LRBA: variants seen among roughly 807,000 people sequenced by gnomAD.
LRBA encodes the protein lipopolysaccharide-responsive and beige-like anchor protein.
Under a neutral mutation model 330.0 loss-of-function variants are expected in LRBA, and 176 were observed. That is an observed-to-expected ratio of 0.53 (90% CI 0.47 to 0.60). The LOEUF is 0.60. Among genes scored for constraint, LRBA ranks in the 20% least tolerant of loss-of-function variants. LRBA has a pLI of 0.00. For synonymous variants in LRBA, 1,230 were observed against 1,193.0 expected (o/e 1.03, Z -0.64); for missense variants, 3,259 against 3,444.8 (o/e 0.95, Z 1.35).
chr4:150,286,681 A>T (rs1380097708), intron 53 of LRBA, among the ~76,000 whole-genome samples: 3 of 152,200 alleles, frequency 2.0e-5, no homozygotes, highest in African/African-American at 7.2e-5. Flanking sequence ...ATTGAAAATG[A>T]GGGGCGGTGG....
At chr4:150,651,883 A>G (rs1779738333) in intron 37 of LRBA, among the ~76,000 whole-genome samples, 1 of 152,118 alleles carries the variant, frequency 6.6e-6, no homozygotes, top group African/African-American at 2.4e-5. Context: ...ATTGATTTAG[A>G]GACAGGGTTT....
At chr4:150,468,294 T>C (rs1416754291) in intron 43 of LRBA, among the ~76,000 whole-genome samples, 1 of 152,052 alleles carries the variant, frequency 6.6e-6, no homozygotes, top group African/African-American at 2.4e-5. Context: ...ATGAGGGCAT[T>C]GCACTAAATA....
chr4:150,288,026 C>CG, intron 53 of LRBA, among the ~76,000 whole-genome samples: 1 of 149,966 alleles, frequency 6.7e-6, no homozygotes, highest in Non-Finnish European at 1.5e-5. Context: ...GAGTCTCACT[C>CG]TGTCGCCCAG....
At chr4:150,510,515 T>C (rs1260670332) in intron 40 of LRBA, among the ~76,000 whole-genome samples, 2 of 152,232 alleles carry the variant, frequency 1.3e-5, no homozygotes, top group African/African-American at 4.8e-5. Context: ...TGTCTTCTCA[T>C]ACTACCTTCC....
At chr4:150,273,509 C>T (rs930492723) in intron 56 of LRBA, among the ~76,000 whole-genome samples, 1 of 152,192 alleles carries the variant, frequency 6.6e-6, no homozygotes, top group South Asian at 2.1e-4. Context: ...TTAAAAGACA[C>T]AGACTGGCAA....
At chr4:150,454,975 TTTTA>T (rs201643241) in intron 44 of LRBA, among the ~76,000 whole-genome samples, 1,775 of 126,462 alleles carry the variant, frequency 0.014, 13 homozygotes, top group Non-Finnish European at 0.017. Flanking sequence ...TTATTTTATT[TTTTA>T]TTTTTTTTAT....
chr4:150,503,975 T>A (rs1031598571), intron 40 of LRBA, among the ~76,000 whole-genome samples: 4 of 152,040 alleles, frequency 2.6e-5, no homozygotes, highest in Non-Finnish European at 5.9e-5. Context: ...TGCGATCAAC[T>A]GGAAGAAAGG....
At chr4:150,733,242 A>T (rs1162152634) in intron 36 of LRBA, among the ~76,000 whole-genome samples, 1 of 152,014 alleles carries the variant, frequency 6.6e-6, no homozygotes, top group Non-Finnish European at 1.5e-5. Context: ...GGAAAACTGG[A>T]AAAATACAAG....
chr4:150,928,640 A>T, intron 3 of LRBA, 24 bp from the exon 4 acceptor site: 1 of 1,546,200 alleles, frequency 6.5e-7, no homozygotes, highest in East Asian at 2.3e-5. Context: ...AAAACGATAA[A>T]ATAACTCAGC....
At position 150,804,777 on chromosome 4, in the gene LRBA, T is replaced by C. The variant is rs1381892606; in HGVS notation, c.5518+1494A>G. Reference sequence around the variant, plus strand: ...CTTTTGAATGCAAAAATTAATTCTATATCATCATTTATAAAAAGCCCTGTA... The same window carrying C: ...CTTTTGAATGCAAAAATTAATTCTACATCATCATTTATAAAAAGCCCTGTA... On this transcript the variant is annotated intron_variant, in intron 33 of 56. Coordinates refer to ENST00000651943, the MANE Select transcript of LRBA (RefSeq NM_001364905.1). 2.0e-5 allele frequency among the ~76,000 whole-genome samples: 3 copies of C among 152,170 alleles called. No individual in the cohort carries two copies. In the East Asian group the frequency reaches 5.8e-4, roughly 29 times the overall value.
chr4:150,529,670 C>G (rs58179947), intron 40 of LRBA, among the ~76,000 whole-genome samples: 1 of 150,040 alleles, frequency 6.7e-6, no homozygotes, highest in East Asian at 2.0e-4. Flanking sequence ...TGCAGTGAGC[C>G]GAGATCATGC....
At chr4:150,532,708 A>G (rs780590877) in intron 40 of LRBA, among the ~76,000 whole-genome samples, 5 of 152,152 alleles carry the variant, frequency 3.3e-5, no homozygotes, top group Non-Finnish European at 7.4e-5. Context: ...AAAGAGAAGA[A>G]TGGGCATATA....
At chr4:150,621,442 CAG>C (rs1776281345) in intron 37 of LRBA, among the ~76,000 whole-genome samples, 2 of 152,126 alleles carry the variant, frequency 1.3e-5, no homozygotes, top group Non-Finnish European at 2.9e-5. Context: ...AAAAGCAACA[CAG>C]TGTGAAAAAC....
intron 42 of LRBA, among the ~76,000 whole-genome samples, chr4:150,474,101 A>G (rs759750249): frequency 6.6e-6 from 1 of 152,120 alleles, no homozygotes; most frequent in Non-Finnish European, 1.5e-5. Flanking sequence ...GACATTTTAT[A>G]GTTTTACTTC....
At chr4:150,990,758 G>A (rs1265193744) in intron 2 of LRBA, among the ~76,000 whole-genome samples, 1 of 152,066 alleles carries the variant, frequency 6.6e-6, no homozygotes, top group Non-Finnish European at 1.5e-5. Context: ...AGTAGCTCAT[G>A]CCTATAATAT....
intron 22 of LRBA, among the ~76,000 whole-genome samples, chr4:150,862,196 T>A (rs1752031763): frequency 6.6e-6 from 1 of 152,106 alleles, no homozygotes; most frequent in South Asian, 2.1e-4. Flanking sequence ...ACCCAAAGGA[T>A]TATAAATCAT....
chr4:150,364,547 C>T (rs74905379), intron 47 of LRBA, among the ~76,000 whole-genome samples: 1,693 of 152,272 alleles, frequency 0.011, 32 homozygotes, highest in African/African-American at 0.039. Context: ...TATGAAACCA[C>T]TACATAACAT....
At chr4:150,396,668 G>A in intron 47 of LRBA, among the ~76,000 whole-genome samples, 1 of 152,188 alleles carries the variant, frequency 6.6e-6, no homozygotes, top group East Asian at 1.9e-4. Context: ...GAATACGAAT[G>A]TATTGGTTTA....
intron 2 of LRBA, among the ~76,000 whole-genome samples, chr4:150,963,951 C>T (rs1738539681): frequency 6.8e-6 from 1 of 147,860 alleles, no homozygotes; most frequent in African/African-American, 2.7e-5. Context: ...TGCCCTGCCG[C>T]GACCCCGTCT....
Sources: gnomAD v4.1 joint callset for allele counts (sites outside exome capture counted in the v4.1 genomes callset) on GRCh38, gnomAD v4.1.1 for gene constraint, MANE v1.5 for transcripts, NCBI Gene and HGNC (gene_info 2026-07-23, HGNC 2026-07-21) for gene names.